The following OTOA variants were observed in gnomAD, a reference collection of about 807,000 sequenced individuals.
OTOA encodes cancer/testis antigen 108.
In OTOA, 70 loss-of-function variants were observed where a neutral mutation model predicts 110.8. The ratio of observed to expected loss-of-function variants is 0.63; its 90% CI spans 0.52 to 0.77. The LOEUF (loss-of-function observed/expected upper bound fraction) is 0.77, where lower values mean the gene tolerates loss of function less well. Ranked by LOEUF, OTOA falls within the 30% of genes least tolerant of loss-of-function variation. The pLI is 0.00. For missense variants in OTOA, 917 were observed against 1,075.8 expected (o/e 0.85, Z 2.06); for synonymous variants, 373 against 431.5 (o/e 0.86, Z 1.68).
intron 13 of OTOA, among the ~76,000 whole-genome samples, chr16:21,710,956 T>C (rs960687040): frequency 2.6e-5 from 4 of 152,080 alleles, no homozygotes; most frequent in Admixed American, 6.6e-5. Context: ...TGAGCAGAGA[T>C]TGTGCCACCA....
intron 22 of OTOA, among the ~76,000 whole-genome samples, chr16:21,738,901 A>T (rs1899441465): frequency 6.6e-6 from 1 of 150,906 alleles, no homozygotes; most frequent in Admixed American, 6.6e-5. Flanking sequence ...TCACAGAGTT[A>T]GTAAATGGCA....
chr16:21,721,610 C>T (rs928325816), intron 17 of OTOA: 5 of 412,970 alleles, frequency 1.2e-5, no homozygotes, highest in East Asian at 7.3e-5. Flanking sequence ...AAATATAGGC[C>T]GGTCACAATG....
At chr16:21,665,721 G>C (rs1047053110) in intron 1 of OTOA, among the ~76,000 whole-genome samples, 27 of 152,268 alleles carry the variant, frequency 1.8e-4, no homozygotes, top group African/African-American at 5.8e-4. Context: ...ACTTAGGAGA[G>C]AAGAAGGGGA....
chr16:21,682,078 C>G (rs1352476429), intron 6 of OTOA, among the ~76,000 whole-genome samples: 1 of 152,212 alleles, frequency 6.6e-6, no homozygotes, highest in East Asian at 1.9e-4. Flanking sequence ...CCCCAGATGA[C>G]AGCAGCTCAA....
intron 10 of OTOA, among the ~76,000 whole-genome samples, chr16:21,699,828 A>T (rs910040459): frequency 6.6e-6 from 1 of 152,150 alleles, no homozygotes; most frequent in African/African-American, 2.4e-5. Flanking sequence ...CTGAGGCAGG[A>T]GTATCACTTG....
At chr16:21,690,464 G>A (rs1270834360) in intron 8 of OTOA, among the ~76,000 whole-genome samples, 6 of 151,894 alleles carry the variant, frequency 4.0e-5, no homozygotes, top group South Asian at 4.2e-4. Flanking sequence ...CTGTTCCTGC[G>A]TTAGTTTGCT....
intron 5 of OTOA, 91 bp from the exon 6 acceptor site, chr16:21,681,647 C>T: frequency 9.5e-7 from 1 of 1,052,794 alleles, no homozygotes; most frequent in Non-Finnish European, 1.5e-6. Flanking sequence ...CCTGGTCCAT[C>T]CCTACCTGTC....
At chr16:21,705,505 A>C in intron 12 of OTOA, 1 of 721,888 alleles carries the variant, frequency 1.4e-6, no homozygotes, top group Non-Finnish European at 2.2e-6. Context: ...GGGGAGATCA[A>C]AATTTAATCA....
chr16:21,714,491 T>C (rs56073429), intron 13 of OTOA, among the ~76,000 whole-genome samples: 17 of 128,390 alleles, frequency 1.3e-4, no homozygotes, highest in Admixed American at 2.4e-4. Flanking sequence ...TCTCCCTCTC[T>C]CTCTCTCTCT....
At position 21,704,986 on chromosome 16, in the gene OTOA, G is replaced by A. The variant is rs371323092; in HGVS notation, c.981-183G>A. On this transcript the variant is annotated intron_variant, in intron 11 of 28. Coordinates refer to ENST00000646100, the MANE Select transcript of OTOA (RefSeq NM_144672.4). ...GCCCCCATTCCTTGGTCTCGTCTGAGCAGTTAGGTTCCGCCTGTGGTTGCA... is the reference window on the plus strand; with the variant it reads ...GCCCCCATTCCTTGGTCTCGTCTGAACAGTTAGGTTCCGCCTGTGGTTGCA... 2.4e-4 allele frequency: 226 copies of A among 937,036 alleles called. 1 individual carries two copies. Among genetic ancestry groups the A allele is most frequent in the Non-Finnish European group, 3.3e-4 (184 of 563,216 alleles). 58.0% of individuals were successfully genotyped at this position (937,036 alleles called of 1,614,324 possible).
rs774553484 is a variant in OTOA at position 21,736,405 on chromosome 16, G to T, written c.2431+15G>T. 1.2e-6 allele frequency: 2 copies of T among 1,614,048 alleles called. No individual in the cohort carries two copies. The highest frequency in any genetic ancestry group is 1.3e-5 in the African/African-American group (1 of 75,014). ...CCCTATGCCTGGTGAGTGTTTTCAGGGTATCTGAGCCATTGCTGACATAGT... is the reference window on the plus strand; with the variant it reads ...CCCTATGCCTGGTGAGTGTTTTCAGTGTATCTGAGCCATTGCTGACATAGT... On this transcript the variant is annotated intron_variant, in intron 22 of 28. Coordinates refer to ENST00000646100, the MANE Select transcript of OTOA (RefSeq NM_144672.4).
rs1898989908 is a variant in OTOA at position 21,728,276 on chromosome 16, C to T, written c.2052C>T (p.Ile684=). Reference sequence around the variant, plus strand: ...TTGCTGATGAGTACACTGTGGACATCATGGGGAACCTGCTGTGTCACTTGC... The same window carrying T: ...TTGCTGATGAGTACACTGTGGACATTATGGGGAACCTGCTGTGTCACTTGC... The part of the protein sequence containing the change: ...DSIADEYTVD[I]MGNLLCHLPA... Residue 684 remains isoleucine (I), a synonymous_variant, in exon 20 of 29, where the codon ATC becomes ATT. Transcript: ENST00000646100. The T allele has an allele frequency of 6.2e-7, 1 of 1,614,064 alleles. No individual in the cohort carries two copies. Among genetic ancestry groups the T allele is most frequent in the South Asian group, 1.1e-5 (1 of 91,092 alleles).
chr16:21,680,547 G>A (rs990935351), intron 5 of OTOA, among the ~76,000 whole-genome samples: 5 of 150,870 alleles, frequency 3.3e-5, no homozygotes, highest in African/African-American at 9.8e-5. Context: ...AGAAGCAAAC[G>A]TAAGATTACA....
chr16:21,699,247 C>CA (rs1898003240), intron 10 of OTOA, among the ~76,000 whole-genome samples: 1 of 152,180 alleles, frequency 6.6e-6, no homozygotes, highest in Non-Finnish European at 1.5e-5. Flanking sequence ...ACACCGCACC[C>CA]AGCCTAAAAA....
chr16:21,722,951 T>A lies in OTOA; in HGVS notation c.1853T>A (p.Met618Lys), dbSNP rs918377842. 6.2e-7 allele frequency: 1 copy of A among 1,614,182 alleles called. No homozygotes were observed. Among genetic ancestry groups the A allele is most frequent in the Non-Finnish European group, 8.5e-7 (1 of 1,180,010 alleles). ...WKYWEVSRLSMPPFLLAALPA... is the reference protein window; with the variant it reads ...WKYWEVSRLSKPPFLLAALPA... Reference sequence around the variant, plus strand: ...TACTGGGAAGTTTCCAGATTGTCTATGCCACCTTTCCTCTTGGCTGCACTC... The same window carrying A: ...TACTGGGAAGTTTCCAGATTGTCTAAGCCACCTTTCCTCTTGGCTGCACTC... Residue 618 changes from methionine (M) to lysine (K), a missense_variant, in exon 18 of 29, where the codon ATG becomes AAG. Transcript: ENST00000646100.
chr16:21,726,745 G>T, intron 19 of OTOA, 87 bp downstream of exon 19: 2 of 1,564,052 alleles, frequency 1.3e-6, no homozygotes, highest in Non-Finnish European at 1.8e-6. Flanking sequence ...CTAGGATCTT[G>T]AGCCTGCTGT....
At chr16:21,666,107 G>C (rs1567357474) in intron 1 of OTOA, among the ~76,000 whole-genome samples, 1 of 152,124 alleles carries the variant, frequency 6.6e-6, no homozygotes, top group Non-Finnish European at 1.5e-5. Flanking sequence ...ACAGGAGTGA[G>C]CCACAAAGCC....
At chr16:21,703,615 C>T (rs1290263882) in intron 11 of OTOA, among the ~76,000 whole-genome samples, 1 of 152,148 alleles carries the variant, frequency 6.6e-6, no homozygotes, top group African/African-American at 2.4e-5. Flanking sequence ...CCTCACTTCC[C>T]CTGAGTCTTC....
chr16:21,684,820 C>T lies in OTOA; in HGVS notation c.268-410C>T, dbSNP rs112380156. On this transcript the variant is annotated intron_variant, in intron 6 of 28. Transcript: ENST00000646100. ...AGGCTGGAGTGCAGTGGCGTGATCTCGGCTCACTGCAACCTCCGCCTCCCG... is the reference window on the plus strand; with the variant it reads ...AGGCTGGAGTGCAGTGGCGTGATCTTGGCTCACTGCAACCTCCGCCTCCCG... Among the ~76,000 whole-genome samples, 512 of 150,914 alleles carry T rather than the reference C, an allele frequency of 3.4e-3. 1 individual carries two copies. The highest frequency in any genetic ancestry group is 0.012 in the African/African-American group (477 of 41,178).
Sources: allele counts gnomAD v4.1 joint callset (sites outside exome capture counted in the v4.1 genomes callset), GRCh38; gene constraint gnomAD v4.1.1; transcripts MANE v1.5; gene names NCBI Gene and HGNC (gene_info 2026-07-23, HGNC 2026-07-21).